HS6ST2: variants seen among roughly 807,000 people sequenced by gnomAD.
HS6ST2 encodes heparan sulfate 6-O-sulfotransferase 2.
In HS6ST2, 17 loss-of-function variants were observed where a neutral mutation model predicts 33.0. The observed-to-expected ratio is 0.52, with a 90% CI of 0.35 to 0.77. HS6ST2 has a LOEUF of 0.77. Among genes scored for constraint, HS6ST2 ranks in the 30% least tolerant of loss-of-function variants. HS6ST2 has a pLI of 0.01. For missense variants in HS6ST2, 519 were observed against 551.7 expected (o/e 0.94, Z 0.59); for synonymous variants, 248 against 237.1 (o/e 1.05, Z -0.42).
chrX:132,826,178 C>A (rs921563942), intron 2 of HS6ST2, among the ~76,000 whole-genome samples: 21 of 112,701 alleles, frequency 1.9e-4, no homozygotes, highest in African/African-American at 6.1e-4. Context: ...ACCCTTTTGT[C>A]TCCCCACTCT....
chrX:132,955,415 G>C (rs1195653883), intron 2 of HS6ST2, among the ~76,000 whole-genome samples: 1 of 112,327 alleles, frequency 8.9e-6, no homozygotes, highest in African/African-American at 3.2e-5. Flanking sequence ...GCCAGGGGGT[G>C]ATGTTCCCCT....
chrX:132,892,013 G>T (rs2066319419), intron 2 of HS6ST2, among the ~76,000 whole-genome samples: 2 of 111,838 alleles, frequency 1.8e-5, no homozygotes, highest in Admixed American at 9.5e-5. Context: ...CAGTGTAAAA[G>T]TGTTCCTATT....
chrX:132,957,532 C>A (rs1184995276), intron 1 of HS6ST2, among the ~76,000 whole-genome samples: 1 of 109,660 alleles, frequency 9.1e-6, no homozygotes, highest in Non-Finnish European at 1.9e-5. Context: ...GTGGCTTCTG[C>A]GGCACACACA....
intron 3 of HS6ST2, among the ~76,000 whole-genome samples, chrX:132,680,842 T>TA (rs2063964032): frequency 1.8e-5 from 2 of 109,664 alleles, no homozygotes; most frequent in South Asian, 4.0e-4. Context: ...ACTAAAAATA[T>TA]AAAAAAATTA....
chrX:132,653,235 G>A (rs1452397165), intron 4 of HS6ST2, among the ~76,000 whole-genome samples: 1 of 111,585 alleles, frequency 9.0e-6, no homozygotes. Context: ...AGGTTTCACC[G>A]AAAGAGATTT....
At chrX:132,944,346 A>T (rs1360809643) in intron 2 of HS6ST2, among the ~76,000 whole-genome samples, 1 of 111,796 alleles carries the variant, frequency 8.9e-6, no homozygotes, top group Non-Finnish European at 1.9e-5. Context: ...CTGCTCGATG[A>T]AACAAGAGGA....
chrX:132,637,906 ATATATAATATTT>A (rs2063572267), intron 4 of HS6ST2, among the ~76,000 whole-genome samples: 1 of 51,031 alleles, frequency 2.0e-5, no homozygotes, highest in Non-Finnish European at 2.8e-5. Context: ...ATATAATATT[ATATATAATATTT>A]TATATATATA....
chrX:132,694,159 C>T (rs2064086798), intron 3 of HS6ST2, among the ~76,000 whole-genome samples: 1 of 111,540 alleles, frequency 9.0e-6, no homozygotes, highest in African/African-American at 3.3e-5. Flanking sequence ...TCGAGCGGTG[C>T]ACAGCCTGGT....
chrX:132,952,516 G>A (rs763512632), intron 2 of HS6ST2, among the ~76,000 whole-genome samples: 189 of 111,085 alleles, frequency 1.7e-3, no homozygotes, highest in Non-Finnish European at 3.1e-3. Context: ...GAGGGAAAGC[G>A]TGGGCTTGTG....
intron 2 of HS6ST2, among the ~76,000 whole-genome samples, chrX:132,817,242 T>C (rs2065403402): frequency 9.0e-6 from 1 of 111,352 alleles, no homozygotes; most frequent in African/African-American, 3.3e-5. Flanking sequence ...CATGTCAATA[T>C]GCAGAGGGTT....
At chrX:132,705,071 G>C (rs966374214) in intron 3 of HS6ST2, among the ~76,000 whole-genome samples, 6 of 111,116 alleles carry the variant, frequency 5.4e-5, no homozygotes, top group Admixed American at 1.9e-4. Flanking sequence ...AGCTATGTGA[G>C]GAGGTGAAGT....
rs1556445928 is a variant in HS6ST2 at position 132,794,574 on chromosome X, GATT to G, written c.948-86083_948-86081del. Reference sequence around the variant, plus strand: ...ACTCCTGGATGATGATGATGATGATGATTATTATTATTATTATTATTATTATTA... The same window carrying G: ...ACTCCTGGATGATGATGATGATGATGATTATTATTATTATTATTATTATTA... On this transcript the variant is annotated intron_variant, in intron 2 of 4. Coordinates refer to ENST00000370833, the MANE Select transcript of HS6ST2 (RefSeq NM_001394073.1). Among the ~76,000 whole-genome samples the G allele has an allele frequency of 4.3e-3, 427 of 99,011 alleles. 1 individual carries two copies. Among genetic ancestry groups the G allele is most frequent in the Non-Finnish European group, 6.6e-3 (335 of 50,402 alleles). The allele number at this position is 99,011 out of a possible 115,157, so 86.0% of individuals were successfully genotyped here.
chrX:132,877,421 A>T (rs2066118043), intron 2 of HS6ST2, among the ~76,000 whole-genome samples: 1 of 112,089 alleles, frequency 8.9e-6, no homozygotes, highest in African/African-American at 3.2e-5. Context: ...CAAATTATGT[A>T]TGCCAGATAT....
At chrX:132,946,953 A>C (rs771820245) in intron 2 of HS6ST2, among the ~76,000 whole-genome samples, 12 of 111,604 alleles carry the variant, frequency 1.1e-4, no homozygotes, top group South Asian at 3.8e-4. Flanking sequence ...GTCAATTAAG[A>C]AATGTTATGT....
chrX:132,664,534 G>A (rs2063796599), intron 4 of HS6ST2, among the ~76,000 whole-genome samples: 1 of 111,782 alleles, frequency 8.9e-6, no homozygotes. Flanking sequence ...GGAGTAAGCA[G>A]GGTTTGACTT....
intron 2 of HS6ST2, among the ~76,000 whole-genome samples, chrX:132,756,302 G>A (rs1001731920): frequency 8.9e-6 from 1 of 111,934 alleles, no homozygotes. Flanking sequence ...GAGCATGTAT[G>A]TCCCAGAAAT....
At chrX:132,820,155 C>G (rs1300127345) in intron 2 of HS6ST2, among the ~76,000 whole-genome samples, 4 of 111,097 alleles carry the variant, frequency 3.6e-5, no homozygotes, top group Admixed American at 9.6e-5. Context: ...CGAGCCTCCC[C>G]AGCCTGAGGT....
intron 2 of HS6ST2, among the ~76,000 whole-genome samples, chrX:132,755,018 A>G (rs1811495070): frequency 9.0e-6 from 1 of 111,510 alleles, no homozygotes; most frequent in Admixed American, 9.5e-5. Flanking sequence ...GGCCCATACT[A>G]TACTCTTTTA....
chrX:132,790,613 G>A (rs2065112761), intron 2 of HS6ST2, among the ~76,000 whole-genome samples: 1 of 111,812 alleles, frequency 8.9e-6, no homozygotes, highest in Non-Finnish European at 1.9e-5. Context: ...AAGCATTTTG[G>A]TCATGAAACT....
Sources: gnomAD v4.1 joint callset for allele counts (sites outside exome capture counted in the v4.1 genomes callset) on GRCh38, gnomAD v4.1.1 for gene constraint, MANE v1.5 for transcripts, NCBI Gene and HGNC (gene_info 2026-07-23, HGNC 2026-07-21) for gene names.